The following SYNPO2 variants were observed in gnomAD, a reference collection of about 807,000 sequenced individuals.
SYNPO2 encodes synaptopodin 2.
A neutral mutation model predicts 85.0 loss-of-function variants in SYNPO2; 56 were observed. The ratio of observed to expected loss-of-function variants is 0.66; its 90% confidence interval spans 0.53 to 0.82. SYNPO2 has a LOEUF of 0.82. SYNPO2 is among the 40% of genes least tolerant of loss of function. SYNPO2 has a pLI of 0.00. For synonymous variants in SYNPO2, 602 were observed against 591.1 expected (o/e 1.02, Z -0.27); for missense variants, 1,575 against 1,534.2 (o/e 1.03, Z -0.44).
At chr4:119,000,371 G>A (rs1196986903) in intron 1 of SYNPO2, among the ~76,000 whole-genome samples, 2 of 152,080 alleles carry the variant, frequency 1.3e-5, no homozygotes, top group Admixed American at 1.3e-4. Flanking sequence ...TGCTTTTAAT[G>A]TGAAAGACCT....
chr4:119,011,735 G>T (rs994833007), intron 1 of SYNPO2, among the ~76,000 whole-genome samples: 1 of 152,102 alleles, frequency 6.6e-6, no homozygotes, highest in Admixed American at 6.5e-5. Flanking sequence ...TTTATTGCAG[G>T]TCTACTATGT....
At chr4:119,051,051 CAGAT>C (rs1033435315) in intron 4 of SYNPO2, among the ~76,000 whole-genome samples, 1 of 152,050 alleles carries the variant, frequency 6.6e-6, no homozygotes, top group African/African-American at 2.4e-5. Flanking sequence ...TGAAAAATAA[CAGAT>C]AGCAACAGGA....
At chr4:119,024,840 A>T (rs1197280419) in intron 2 of SYNPO2, among the ~76,000 whole-genome samples, 4 of 152,184 alleles carry the variant, frequency 2.6e-5, no homozygotes, top group Non-Finnish European at 4.4e-5. Context: ...TGTCACTCAT[A>T]TCACTGTCAT....
chr4:118,880,047 A>G (rs763108007), intron 1 of SYNPO2, among the ~76,000 whole-genome samples: 38 of 151,912 alleles, frequency 2.5e-4, no homozygotes, highest in Non-Finnish European at 4.6e-4. Context: ...TTGCATCATC[A>G]TTTCGTGAAG....
chr4:118,966,970 C>G (rs575911189), intron 1 of SYNPO2, among the ~76,000 whole-genome samples: 1 of 152,266 alleles, frequency 6.6e-6, no homozygotes, highest in South Asian at 2.1e-4. Context: ...TCTTTTTCCT[C>G]TTTATCCAGT....
chr4:119,019,154 C>A (rs1737626740), intron 1 of SYNPO2, among the ~76,000 whole-genome samples: 1 of 152,058 alleles, frequency 6.6e-6, no homozygotes, highest in African/African-American at 2.4e-5. Flanking sequence ...GTACAACAAC[C>A]CCCCGTGACA....
In SYNPO2 at chr4:118,973,353, A is replaced by G. The variant is rs188460863; in HGVS notation, c.106-50077A>G. On this transcript the variant is annotated intron_variant, in intron 1 of 4. Transcript: ENST00000307142. ...ACGTATAATGATTCTAGTAAGGCAC[A>G]CACTTGCACTAAGTGTGTGCACACA... Among the ~76,000 whole-genome samples the G allele has an allele frequency of 2.1e-4, 32 of 152,018 alleles. No homozygotes were observed. The East Asian group carries it at 5.6e-3, about 27-fold the overall frequency.
At chr4:118,899,515 C>A (rs1732650616) in intron 1 of SYNPO2, among the ~76,000 whole-genome samples, 1 of 151,982 alleles carries the variant, frequency 6.6e-6, no homozygotes, top group Non-Finnish European at 1.5e-5. Context: ...TATTTCAGTT[C>A]TTGAGTTTAA....
chr4:119,045,703 T>A (rs2149198585), intron 4 of SYNPO2, among the ~76,000 whole-genome samples: 1 of 152,328 alleles, frequency 6.6e-6, no homozygotes. Context: ...ATTTTTTATG[T>A]TTGAACCAAT....
At chr4:118,964,501 A>T (rs952710765) in intron 1 of SYNPO2, among the ~76,000 whole-genome samples, 4 of 102,530 alleles carry the variant, frequency 3.9e-5, no homozygotes, top group East Asian at 7.8e-4. Flanking sequence ...AAAGTAAATT[A>T]AAAAAAAAAA....
chr4:119,032,853 C>CAGTAATAATAAT (rs1738340112), intron 4 of SYNPO2: 1 of 783,792 alleles, frequency 1.3e-6, no homozygotes, highest in African/African-American at 1.9e-5. Context: ...GACCCTGTCT[C>CAGTAATAATAAT]AATAATAATA....
chr4:118,855,241 ATCT>A (rs962998440), intron 1 of SYNPO2, among the ~76,000 whole-genome samples: 45 of 152,246 alleles, frequency 3.0e-4, no homozygotes, highest in African/African-American at 1.0e-3. Context: ...CTTTTGATAA[ATCT>A]TCTATTTTTA....
At chr4:118,889,630 T>G (rs1446712528) in intron 1 of SYNPO2, among the ~76,000 whole-genome samples, 2 of 152,162 alleles carry the variant, frequency 1.3e-5, no homozygotes, top group East Asian at 3.8e-4. Context: ...GGGCAATAAT[T>G]TTAAAAGTAT....
At chr4:118,995,891 T>TATCTATC (rs1736572051) in intron 1 of SYNPO2, among the ~76,000 whole-genome samples, 1 of 151,286 alleles carries the variant, frequency 6.6e-6, no homozygotes, top group Non-Finnish European at 1.5e-5. Flanking sequence ...TCTATCTATC[T>TATCTATC]ATCTATCTAT....
rs1236436212 is a variant in SYNPO2 at position 119,061,180 on chromosome 4, A to G, written c.*3246A>G. On this transcript the variant is annotated 3_prime_UTR_variant, in exon 5 of 5. Coordinates refer to ENST00000307142, the MANE Select transcript of SYNPO2 (RefSeq NM_133477.3). ...TTTCCACTTCTGTTTATCACAAAAGACTGTATTTGAAATATGCATACGGAA... is the reference window on the plus strand; with the variant it reads ...TTTCCACTTCTGTTTATCACAAAAGGCTGTATTTGAAATATGCATACGGAA... 6.6e-6 allele frequency: 1 copy of G among 152,170 alleles called. No homozygotes were observed. The highest frequency in any genetic ancestry group is 2.4e-5 in the African/African-American group (1 of 41,456). 9.4% of individuals were successfully genotyped at this position (152,170 alleles called of 1,614,324 possible).
intron 1 of SYNPO2, among the ~76,000 whole-genome samples, chr4:118,905,593 G>A (rs1232726420): frequency 6.6e-6 from 1 of 152,146 alleles, no homozygotes; most frequent in East Asian, 1.9e-4. Flanking sequence ...CCAGGAGTGC[G>A]TTTCAACAGT....
intron 4 of SYNPO2, chr4:119,042,939 T>C (rs1040373442): frequency 1.3e-5 from 2 of 152,194 alleles, no homozygotes; most frequent in Non-Finnish European, 2.9e-5. Context: ...AAAAGACTAA[T>C]GGGAGAGCTG....
chr4:118,925,092 G>A (rs1338909314), intron 1 of SYNPO2, among the ~76,000 whole-genome samples: 3 of 152,150 alleles, frequency 2.0e-5, no homozygotes, highest in Non-Finnish European at 4.4e-5. Flanking sequence ...GGGGCAAGAT[G>A]TAGCACTTTG....
intron 1 of SYNPO2, among the ~76,000 whole-genome samples, chr4:118,956,904 G>C (rs1436820803): frequency 1.3e-5 from 2 of 151,916 alleles, no homozygotes; most frequent in Non-Finnish European, 2.9e-5. Context: ...AATTAGCCTG[G>C]TGTGGTGGTG....
Sources: gnomAD v4.1 joint callset for allele counts (sites outside exome capture counted in the v4.1 genomes callset) on GRCh38, gnomAD v4.1.1 for gene constraint, MANE v1.5 for transcripts, NCBI Gene and HGNC (gene_info 2026-07-23, HGNC 2026-07-21) for gene names.